Variants in STXBP5L observed in about 807,000 individuals in gnomAD.
STXBP5L encodes syntaxin binding protein 5L, also known as syntaxin-binding protein 5-like.
A neutral mutation model predicts 144.5 loss-of-function variants in STXBP5L; 65 were observed. The observed-to-expected ratio is 0.45, with a 90% CI of 0.37 to 0.55. The LOEUF is 0.55. Ranked by LOEUF, STXBP5L falls within the 20% of genes least tolerant of loss-of-function variation. The pLI is 0.00. For missense variants in STXBP5L, 1,298 were observed against 1,405.5 expected (o/e 0.92, Z 1.22); for synonymous variants, 505 against 469.6 (o/e 1.08, Z -0.97).
chr3:121,087,831 G>A lies in STXBP5L; in HGVS notation c.471-27094G>A, dbSNP rs576635584. 9.9e-5 allele frequency among the ~76,000 whole-genome samples: 15 copies of A among 151,576 alleles called. No individual in the cohort carries two copies. In the East Asian group the frequency reaches 2.7e-3, roughly 27 times the overall value. ...TTAGTTAATTTTAGTGTATTTCTTT[G>A]TATCACTTTTTAAAGAGGTTGCTAT... On this transcript the variant is annotated intron_variant, in intron 5 of 26. Transcript: ENST00000471454.
intron 3 of STXBP5L, among the ~76,000 whole-genome samples, chr3:121,024,143 A>G (rs2107471183): frequency 6.6e-6 from 1 of 152,320 alleles, no homozygotes; most frequent in African/African-American, 2.4e-5. Context: ...GAGGCCACAG[A>G]CTTGGAGAAA....
At chr3:120,971,604 A>G (rs1043277649) in intron 3 of STXBP5L, among the ~76,000 whole-genome samples, 3 of 151,316 alleles carry the variant, frequency 2.0e-5, no homozygotes, top group Non-Finnish European at 4.4e-5. Flanking sequence ...TATTCTTTTT[A>G]TGGCTGAGTA....
At chr3:121,152,667 T>G (rs2045972185) in intron 8 of STXBP5L, 107 bp downstream of exon 8, 1 of 719,986 alleles carries the variant, frequency 1.4e-6, no homozygotes, top group Admixed American at 3.2e-5. Flanking sequence ...GAAAGTTGCC[T>G]GATTCTGACC....
At chr3:121,392,249 C>A (rs2046607191) in intron 22 of STXBP5L, among the ~76,000 whole-genome samples, 1 of 152,206 alleles carries the variant, frequency 6.6e-6, no homozygotes, top group African/African-American at 2.4e-5. Flanking sequence ...GTTGCTATGA[C>A]CTTGGGAAAA....
At chr3:121,252,869 T>C (rs2050071230) in intron 15 of STXBP5L, among the ~76,000 whole-genome samples, 1 of 152,204 alleles carries the variant, frequency 6.6e-6, no homozygotes, top group Non-Finnish European at 1.5e-5. Context: ...TTCATGAGAC[T>C]GAAGGTTCTC....
chr3:121,201,401 A>C (rs915238962), intron 9 of STXBP5L, among the ~76,000 whole-genome samples: 2 of 152,100 alleles, frequency 1.3e-5, no homozygotes, highest in Admixed American at 1.3e-4. Context: ...TTTGAGCCTA[A>C]GTATGTCTTT....
intron 20 of STXBP5L, among the ~76,000 whole-genome samples, chr3:121,376,196 G>A (rs1435168672): frequency 6.6e-6 from 1 of 152,216 alleles, no homozygotes; most frequent in Non-Finnish European, 1.5e-5. Flanking sequence ...CAAATTTACA[G>A]AAGAGGCAAC....
At chr3:120,975,877 C>G (rs1235147583) in intron 3 of STXBP5L, among the ~76,000 whole-genome samples, 2 of 152,272 alleles carry the variant, frequency 1.3e-5, no homozygotes, top group East Asian at 3.9e-4. Flanking sequence ...ACCAGCCTTG[C>G]ATCCCAGGGA....
chr3:121,096,955 C>T (rs1194514530), intron 5 of STXBP5L, among the ~76,000 whole-genome samples: 1 of 152,182 alleles, frequency 6.6e-6, no homozygotes, highest in Non-Finnish European at 1.5e-5. Context: ...GCAGCCCCTT[C>T]CCCGAGGTGC....
chr3:121,089,916 T>G (rs907771241), intron 5 of STXBP5L, among the ~76,000 whole-genome samples: 1 of 152,082 alleles, frequency 6.6e-6, no homozygotes, highest in Non-Finnish European at 1.5e-5. Context: ...GTAAAATTTG[T>G]AATTGGTTCT....
chr3:121,004,040 T>C (rs1216678418), intron 3 of STXBP5L, among the ~76,000 whole-genome samples: 1 of 152,058 alleles, frequency 6.6e-6, no homozygotes, highest in Admixed American at 6.6e-5. Context: ...CAGGCTCTTT[T>C]TTGGTTCCAT....
chr3:121,095,147 G>A (rs548270987), intron 5 of STXBP5L, among the ~76,000 whole-genome samples: 35 of 152,264 alleles, frequency 2.3e-4, no homozygotes, highest in African/African-American at 5.8e-4. Flanking sequence ...AGTTTCTGCC[G>A]AGAGATCCGC....
At chr3:121,171,820 T>C (rs994896993) in intron 9 of STXBP5L, among the ~76,000 whole-genome samples, 2 of 152,104 alleles carry the variant, frequency 1.3e-5, no homozygotes, top group African/African-American at 2.4e-5. Flanking sequence ...CAAGCTACCA[T>C]TGACTTTCTT....
chr3:121,140,027 A>G (rs1293868988), intron 7 of STXBP5L, among the ~76,000 whole-genome samples: 1 of 152,120 alleles, frequency 6.6e-6, no homozygotes, highest in African/African-American at 2.4e-5. Flanking sequence ...AATGACATGA[A>G]ACACTCATTT....
chr3:121,394,848 C>T (rs1200416001), intron 22 of STXBP5L, among the ~76,000 whole-genome samples: 1 of 152,014 alleles, frequency 6.6e-6, no homozygotes, highest in East Asian at 1.9e-4. Context: ...TCATGATCCA[C>T]CCGTCTCAGC....
intron 3 of STXBP5L, among the ~76,000 whole-genome samples, chr3:121,009,642 G>A (rs1423402859): frequency 6.6e-6 from 1 of 151,918 alleles, no homozygotes; most frequent in Non-Finnish European, 1.5e-5. Context: ...TATGAGCAGA[G>A]GAAGCAATAA....
chr3:121,375,529 T>G (rs1171986263), intron 20 of STXBP5L, among the ~76,000 whole-genome samples: 1 of 152,220 alleles, frequency 6.6e-6, no homozygotes, highest in African/African-American at 2.4e-5. Context: ...TTCTGAGCTT[T>G]AGTTTCTTCA....
At chr3:121,106,417 G>A (rs189156374) in intron 5 of STXBP5L, among the ~76,000 whole-genome samples, 6 of 151,782 alleles carry the variant, frequency 4.0e-5, no homozygotes, top group Non-Finnish European at 5.9e-5. Context: ...CCCAACCTCC[G>A]CCAACAGGCC....
chr3:121,205,720 A>G (rs2048309230), intron 9 of STXBP5L, among the ~76,000 whole-genome samples: 1 of 152,226 alleles, frequency 6.6e-6, no homozygotes. Flanking sequence ...TGAATTATAT[A>G]GCAGACAATT....
Sources: allele counts gnomAD v4.1 joint callset (sites outside exome capture counted in the v4.1 genomes callset), GRCh38; gene constraint gnomAD v4.1.1; transcripts MANE v1.5; gene names NCBI Gene and HGNC (gene_info 2026-07-23, HGNC 2026-07-21).